TAFA1: variants seen among roughly 807,000 people sequenced by gnomAD.
TAFA1 encodes the protein chemokine-like protein TAFA-1.
A neutral mutation model predicts 18.5 loss-of-function variants in TAFA1; 4 were observed. The ratio of observed to expected loss-of-function variants is 0.22; its 90% confidence interval spans 0.11 to 0.49. TAFA1 has a LOEUF of 0.49. Among genes scored for constraint, TAFA1 ranks in the 20% least tolerant of loss-of-function variants. The pLI, the probability that TAFA1 is intolerant of heterozygous loss-of-function variation, is 0.98. For missense variants in TAFA1, 147 were observed against 169.0 expected, an observed-to-expected ratio of 0.87 and a Z score of 0.72; for synonymous variants, 56 against 55.2, an observed-to-expected ratio of 1.01 and a Z score of -0.06.
intron 2 of TAFA1, among the ~76,000 whole-genome samples, chr3:68,324,755 G>T (rs1315317185): frequency 1.3e-5 from 2 of 152,286 alleles, no homozygotes; most frequent in Non-Finnish European, 2.9e-5. Flanking sequence ...CCAACTTGTA[G>T]AAATAATTCT....
chr3:68,331,840 G>A lies in TAFA1; in HGVS notation c.119-85440G>A, dbSNP rs571847273. Among the ~76,000 whole-genome samples the A allele has an allele frequency of 1.0e-4, 15 of 147,702 alleles. No individual in the cohort carries two copies. In the South Asian group the frequency reaches 1.3e-3, roughly 13 times the overall value. ...CACCAAGAATGAACAATGGGTAAAG[G>A]ATAGTCTTTTCTTTTCTTTTTTTTT... On this transcript the variant is annotated intron_variant, in intron 2 of 4. Coordinates refer to ENST00000478136, the MANE Select transcript of TAFA1 (RefSeq NM_213609.4).
At chr3:68,418,328 G>T (rs2070881961) in intron 3 of TAFA1, among the ~76,000 whole-genome samples, 1 of 152,142 alleles carries the variant, frequency 6.6e-6, no homozygotes, top group South Asian at 2.1e-4. Flanking sequence ...GTTCTCTGGT[G>T]GGCAGAGTGG....
At chr3:68,253,770 T>G (rs1395944103) in intron 2 of TAFA1, among the ~76,000 whole-genome samples, 1 of 152,188 alleles carries the variant, frequency 6.6e-6, no homozygotes, top group Non-Finnish European at 1.5e-5. Context: ...GAAGGTTAGA[T>G]GTTTGTCTAA....
intron 2 of TAFA1, among the ~76,000 whole-genome samples, chr3:68,311,642 A>G (rs2068519089): frequency 6.6e-6 from 1 of 152,236 alleles, no homozygotes; most frequent in African/African-American, 2.4e-5. Context: ...CTGATGCAAG[A>G]GGTGGGTTCC....
chr3:68,502,553 T>C (rs183474843), intron 3 of TAFA1, among the ~76,000 whole-genome samples: 31 of 152,154 alleles, frequency 2.0e-4, no homozygotes, highest in East Asian at 1.9e-4. Flanking sequence ...TCACAGACAA[T>C]AGACACCATG....
intron 3 of TAFA1, chr3:68,417,717 G>T: frequency 4.0e-6 from 1 of 249,602 alleles, no homozygotes; most frequent in Non-Finnish European, 7.6e-6. Context: ...TTCTCACACT[G>T]CTATAAGGAA....
At chr3:68,490,830 T>C (rs2072437538) in intron 3 of TAFA1, among the ~76,000 whole-genome samples, 1 of 121,410 alleles carries the variant, frequency 8.2e-6, no homozygotes, top group Admixed American at 8.1e-5. Flanking sequence ...TACAATTTTT[T>C]CTTTTTTTTC....
At chr3:68,402,220 C>T (rs1343123265) in intron 2 of TAFA1, among the ~76,000 whole-genome samples, 3 of 152,056 alleles carry the variant, frequency 2.0e-5, no homozygotes, top group Admixed American at 6.6e-5. Flanking sequence ...TTGAATGCAC[C>T]GGTGCTCATT....
chr3:68,358,537 C>T (rs1485684172), intron 2 of TAFA1, among the ~76,000 whole-genome samples: 1 of 151,902 alleles, frequency 6.6e-6, no homozygotes, highest in Non-Finnish European at 1.5e-5. Context: ...ATATGGCTTC[C>T]CTTTTTAAAT....
intron 2 of TAFA1, among the ~76,000 whole-genome samples, chr3:68,368,168 C>T (rs2069608325): frequency 6.6e-6 from 1 of 152,016 alleles, no homozygotes; most frequent in Non-Finnish European, 1.5e-5. Flanking sequence ...TTTTTTTGTC[C>T]TGAAGTAACA....
chr3:68,328,327 A>G (rs1379748972), intron 2 of TAFA1, among the ~76,000 whole-genome samples: 3 of 152,168 alleles, frequency 2.0e-5, no homozygotes, highest in East Asian at 3.9e-4. Flanking sequence ...GTTGGGTAAG[A>G]TGCTATTTTT....
At chr3:68,206,972 G>A (rs1449459099) in intron 2 of TAFA1, among the ~76,000 whole-genome samples, 1 of 151,872 alleles carries the variant, frequency 6.6e-6, no homozygotes, top group African/African-American at 2.4e-5. Context: ...CCCCAAAGTG[G>A]TAAGGTGTTT....
At chr3:68,336,510 C>T (rs1373753415) in intron 2 of TAFA1, among the ~76,000 whole-genome samples, 1 of 152,240 alleles carries the variant, frequency 6.6e-6, no homozygotes, top group Non-Finnish European at 1.5e-5. Flanking sequence ...TGAGAAAACA[C>T]ATCTTTGGCC....
intron 2 of TAFA1, among the ~76,000 whole-genome samples, chr3:68,367,925 T>G (rs1297059658): frequency 6.6e-6 from 1 of 152,200 alleles, no homozygotes; most frequent in African/African-American, 2.4e-5. Context: ...TGTTCAACAT[T>G]AATGGCTCAC....
intron 2 of TAFA1, among the ~76,000 whole-genome samples, chr3:68,273,872 A>G (rs2067729873): frequency 6.6e-6 from 1 of 152,136 alleles, no homozygotes; most frequent in African/African-American, 2.4e-5. Context: ...TGTCCGTAAC[A>G]TGAGCAGGTA....
intron 2 of TAFA1, among the ~76,000 whole-genome samples, chr3:68,093,819 G>A (rs1173522397): frequency 6.6e-6 from 1 of 152,090 alleles, no homozygotes; most frequent in African/African-American, 2.4e-5. Flanking sequence ...TCACCTGGAA[G>A]CATTCTCTGT....
intron 2 of TAFA1, among the ~76,000 whole-genome samples, chr3:68,151,320 C>T (rs187520158): frequency 2.6e-5 from 4 of 152,200 alleles, no homozygotes; most frequent in Admixed American, 2.6e-4. Flanking sequence ...TGACAATGTC[C>T]TAAGTGGCTT....
At chr3:68,533,681 G>A (rs1019170734) in intron 3 of TAFA1, among the ~76,000 whole-genome samples, 3 of 152,228 alleles carry the variant, frequency 2.0e-5, no homozygotes, top group Middle Eastern at 3.4e-3. Context: ...GGAGAGGATC[G>A]ATTTCTACTC....
At chr3:68,135,910 A>T (rs147139888) in intron 2 of TAFA1, among the ~76,000 whole-genome samples, 2 of 152,122 alleles carry the variant, frequency 1.3e-5, no homozygotes, top group Non-Finnish European at 2.9e-5. Context: ...ATTTCTTTTC[A>T]TTAAAACCGG....
Sources: allele counts gnomAD v4.1 joint callset (sites outside exome capture counted in the v4.1 genomes callset), GRCh38; gene constraint gnomAD v4.1.1; transcripts MANE v1.5; gene names NCBI Gene and HGNC (gene_info 2026-07-23, HGNC 2026-07-21).